NEMP2: variants seen among roughly 807,000 people sequenced by gnomAD.
The protein encoded by NEMP2 is UPF0571 transmembrane protein.
Under a neutral mutation model 54.2 loss-of-function variants are expected in NEMP2, and 53 were observed. The observed-to-expected ratio is 0.98, with a 90% confidence interval of 0.78 to 1.23. The LOEUF is 1.23. NEMP2 is among the 50% of genes most tolerant of loss of function. NEMP2 has a pLI of 0.00. For missense variants in NEMP2, 455 were observed against 511.3 expected (o/e 0.89, Z 1.06); for synonymous variants, 197 against 190.3 (o/e 1.04, Z -0.29).
Position 190,519,726 on chromosome 2 carries a change from A to AT in NEMP2, c.214-544dup, listed in dbSNP as rs967590252. Among the ~76,000 whole-genome samples the AT allele has an allele frequency of 6.6e-6, 1 of 152,242 alleles. No individual in the cohort carries two copies. The highest frequency in any genetic ancestry group is 2.4e-5 in the African/African-American group (1 of 41,462). On this transcript the variant is annotated intron_variant, in intron 2 of 8. Transcript: ENST00000409150. This position sits in a 1 kb window ranked among gnomAD's most constrained non-coding sequence, Gnocchi z 5.4. Reference sequence around the variant, plus strand: ...TGCTTCTCCCTCCAAGCTGTGGCTGATTTAAGTCCCTCTTCTAGCAAGTTA... The same window carrying AT: ...TGCTTCTCCCTCCAAGCTGTGGCTGATTTTAAGTCCCTCTTCTAGCAAGTTA...
chr2:190,609,175 C>T, the NEMP2 span: 4 of 152,166 alleles, frequency 2.6e-5, no homozygotes, highest in African/African-American at 4.8e-5. This position sits in a 1 kb window ranked among gnomAD's most constrained non-coding sequence, Gnocchi z 4.7. Context: ...CTCAAAATTA[C>T]AAAGTTTTCC....
chr2:190,569,886 C>T, the NEMP2 span, among the ~76,000 whole-genome samples: 1 of 152,166 alleles, frequency 6.6e-6, no homozygotes, highest in African/African-American at 2.4e-5. Context: ...GAATGAGTCC[C>T]AGATTCCATT....
At chr2:190,497,531 A>G in the NEMP2 span, 1 of 1,614,258 alleles carries the variant, frequency 6.2e-7, no homozygotes, top group Non-Finnish European at 8.5e-7. The surrounding 1 kb of genome is among the most constrained non-coding windows in gnomAD (Gnocchi z 5.2). Flanking sequence ...AGAAGATGTC[A>G]TGCCACGCAT....
chr2:190,499,081 G>A, the NEMP2 span, among the ~76,000 whole-genome samples: 2 of 152,174 alleles, frequency 1.3e-5, no homozygotes, highest in African/African-American at 4.8e-5. The surrounding 1 kb of genome is among the most constrained non-coding windows in gnomAD (Gnocchi z 6.0). Context: ...CCAGCAGGAG[G>A]AGGTTGCAGT....
At chr2:190,581,518 G>A in the NEMP2 span, among the ~76,000 whole-genome samples, 2 of 152,160 alleles carry the variant, frequency 1.3e-5, no homozygotes, top group African/African-American at 4.8e-5. Context: ...GTTAGTACCA[G>A]TGACAGAAAA....
At chr2:190,490,360 A>C in the NEMP2 span, among the ~76,000 whole-genome samples, 4 of 151,978 alleles carry the variant, frequency 2.6e-5, no homozygotes, top group Non-Finnish European at 5.9e-5. The surrounding 1 kb of genome is among the most constrained non-coding windows in gnomAD (Gnocchi z 4.5). Context: ...TTAGGAGATC[A>C]AGACCATCTT....
chr2:190,554,350 T>G, the NEMP2 span, among the ~76,000 whole-genome samples: 3 of 152,124 alleles, frequency 2.0e-5, no homozygotes, highest in African/African-American at 7.2e-5. The surrounding 1 kb of genome is among the most constrained non-coding windows in gnomAD (Gnocchi z 5.7). Context: ...GGGAGCCAAG[T>G]GGTCTGGCTC....
chr2:190,423,298 C>G, the NEMP2 span, among the ~76,000 whole-genome samples: 1 of 152,212 alleles, frequency 6.6e-6, no homozygotes, highest in East Asian at 1.9e-4. The surrounding 1 kb of genome is among the most constrained non-coding windows in gnomAD (Gnocchi z 4.3). Flanking sequence ...TGTCCCCACT[C>G]TCTAGTGAAT....
At chr2:190,534,399 C>T (rs960545659) in intron 1 of NEMP2, 160 bp downstream of exon 1, 33 of 1,211,124 alleles carry the variant, frequency 2.7e-5, no homozygotes, top group Middle Eastern at 3.2e-4. Context: ...ACAGGAAGGG[C>T]GGGCGGGGCC....
At chr2:190,495,381 C>T in the NEMP2 span, among the ~76,000 whole-genome samples, 7 of 152,162 alleles carry the variant, frequency 4.6e-5, no homozygotes, top group African/African-American at 1.7e-4. The surrounding 1 kb of genome is among the most constrained non-coding windows in gnomAD (Gnocchi z 4.7). Context: ...ATCCCATGCT[C>T]ATGGATGGGT....
intron 4 of NEMP2, 76 bp from the exon 5 acceptor site, chr2:190,517,689 A>T (rs1447495344): frequency 1.0e-6 from 1 of 1,003,944 alleles, no homozygotes; most frequent in Admixed American, 2.2e-5. Flanking sequence ...TTAACCTGGC[A>T]ACATCAGTCA....
At chr2:190,517,797 T>C (rs965713626) in intron 4 of NEMP2, among the ~76,000 whole-genome samples, 184 bp from the exon 5 acceptor site, 1 of 152,224 alleles carries the variant, frequency 6.6e-6, no homozygotes, top group Non-Finnish European at 1.5e-5. Context: ...GGTAAGTTGC[T>C]TGCCACTAAC....
chr2:190,637,217 C>T, the NEMP2 span, among the ~76,000 whole-genome samples: 3 of 152,210 alleles, frequency 2.0e-5, no homozygotes, highest in Admixed American at 6.5e-5. This position sits in a 1 kb window ranked among gnomAD's most constrained non-coding sequence, Gnocchi z 4.5. Context: ...TCAATGATTA[C>T]AAAGTGAACA....
At chr2:190,600,323 G>C in the NEMP2 span, among the ~76,000 whole-genome samples, 1 of 152,190 alleles carries the variant, frequency 6.6e-6, no homozygotes, top group South Asian at 2.1e-4. The surrounding 1 kb of genome is among the most constrained non-coding windows in gnomAD (Gnocchi z 4.9). Flanking sequence ...TAGAGTACAA[G>C]GGGAGGGTTA....
At chr2:190,544,997 G>A in the NEMP2 span, among the ~76,000 whole-genome samples, 1 of 151,572 alleles carries the variant, frequency 6.6e-6, no homozygotes, top group Non-Finnish European at 1.5e-5. Flanking sequence ...CAGCTACTCA[G>A]GAGGCTGATG....
the NEMP2 span, among the ~76,000 whole-genome samples, chr2:190,429,525 A>G: frequency 3.3e-5 from 5 of 151,972 alleles, no homozygotes; most frequent in Non-Finnish European, 7.4e-5. Context: ...ACGGGGTTTC[A>G]TCATGTTGGC....
chr2:190,564,016 C>G, the NEMP2 span, among the ~76,000 whole-genome samples: 1 of 152,224 alleles, frequency 6.6e-6, no homozygotes, highest in South Asian at 2.1e-4. This position sits in a 1 kb window ranked among gnomAD's most constrained non-coding sequence, Gnocchi z 4.2. Context: ...TAAAGTCACT[C>G]CTGAGTCCTC....
chr2:190,510,546 T>C lies in NEMP2; in HGVS notation c.954-9A>G. On this transcript the variant is annotated splice_polypyrimidine_tract_variant and intron_variant, in intron 7 of 8. Coordinates refer to ENST00000409150, the MANE Select transcript of NEMP2 (RefSeq NM_001142645.2). The surrounding 1 kb of genome is among the most constrained non-coding windows in gnomAD (Gnocchi z 5.7). The stretch of plus-strand genomic sequence containing the variant: ...ACCACTGCTCCATTTTCCTAAAACA[T>C]GGCATGTGGTTGCAGGATTACTTCC... 1 of 1,551,778 alleles carries C rather than the reference T, an allele frequency of 6.4e-7. No homozygotes were observed. Among genetic ancestry groups the C allele is most frequent in the South Asian group, 1.2e-5 (1 of 84,064 alleles).
the NEMP2 span, among the ~76,000 whole-genome samples, chr2:190,628,929 G>A: frequency 1.3e-5 from 2 of 152,080 alleles, no homozygotes; most frequent in Admixed American, 6.5e-5. The surrounding 1 kb of genome is among the most constrained non-coding windows in gnomAD (Gnocchi z 4.1). Context: ...TAAGGCTTCT[G>A]ACCACAAAGC....
Sources: gnomAD v4.1 joint callset for allele counts (sites outside exome capture counted in the v4.1 genomes callset) on GRCh38, gnomAD v4.1.1 for gene constraint, Gnocchi (gnomAD v3.1) non-coding constraint, MANE v1.5 for transcripts, NCBI Gene and HGNC (gene_info 2026-07-23, HGNC 2026-07-21) for gene names.